Variants in CAPN13 observed in about 807,000 individuals in gnomAD.
CAPN13 encodes the protein calpain-13.
In CAPN13, 90 loss-of-function variants were observed where a neutral mutation model predicts 98.4. The ratio of observed to expected loss-of-function variants is 0.92; its 90% CI spans 0.77 to 1.09. CAPN13 has a LOEUF of 1.09. CAPN13 is among the 50% of genes least tolerant of loss of function. The probability of loss-of-function intolerance (pLI) is 0.00; values close to 1 mark genes in which losing one functional copy is unlikely to be tolerated. For missense variants in CAPN13, 887 were observed against 841.3 expected (o/e 1.05, Z -0.67); for synonymous variants, 330 against 305.5 (o/e 1.08, Z -0.84).
intron 17 of CAPN13, chr2:30,737,996 CA>C (rs1671460516): frequency 1.2e-5 from 7 of 560,998 alleles, no homozygotes; most frequent in East Asian, 3.2e-5. Flanking sequence ...CACACACACA[CA>C]CACACACACC....
chr2:30,757,969 C>T, intron 8 of CAPN13, 77 bp downstream of exon 8: 2 of 1,100,122 alleles, frequency 1.8e-6, no homozygotes, highest in Non-Finnish European at 2.6e-6. Context: ...CTAGATAGCC[C>T]CTGCTCTCAT....
At chr2:30,766,342 G>A (rs910056595) in intron 5 of CAPN13, among the ~76,000 whole-genome samples, 1 of 152,130 alleles carries the variant, frequency 6.6e-6, no homozygotes, top group Non-Finnish European at 1.5e-5. Context: ...ACAACCAAAG[G>A]CACTCCCTGC....
chr2:30,758,372 G>C (rs1037745803), intron 7 of CAPN13, among the ~76,000 whole-genome samples: 19 of 152,212 alleles, frequency 1.2e-4, no homozygotes, highest in African/African-American at 3.9e-4. Flanking sequence ...CCCTTGCAAG[G>C]GCAGATGCAA....
At chr2:30,794,891 G>A (rs1313472924) in intron 1 of CAPN13, among the ~76,000 whole-genome samples, 1 of 151,810 alleles carries the variant, frequency 6.6e-6, no homozygotes, top group African/African-American at 2.4e-5. Context: ...GTGGAGGGAG[G>A]AATGGGTTTT....
chr2:30,753,024 G>A, intron 10 of CAPN13, 29 bp downstream of exon 10: 1 of 1,612,200 alleles, frequency 6.2e-7, no homozygotes, highest in Non-Finnish European at 8.5e-7. Context: ...CTTCCAGTTG[G>A]GCAGTGTGAC....
chr2:30,737,889 T>C (rs2147958798), intron 17 of CAPN13: 1 of 316,628 alleles, frequency 3.2e-6, no homozygotes, highest in Non-Finnish European at 6.1e-6. Flanking sequence ...ACTTAACCTC[T>C]CTGAACTCCT....
At chr2:30,766,009 T>G (rs1644643516) in intron 5 of CAPN13, among the ~76,000 whole-genome samples, 1 of 152,224 alleles carries the variant, frequency 6.6e-6, no homozygotes, top group Non-Finnish European at 1.5e-5. Context: ...GGCTGAGCTC[T>G]GGACTCCCTT....
At position 30,758,900 on chromosome 2, in the gene CAPN13, C is replaced by T. The variant is rs527661720; in HGVS notation, c.775-763G>A. 3.4e-5 allele frequency among the ~76,000 whole-genome samples: 5 copies of T among 145,670 alleles called. No homozygotes were observed. The South Asian group carries it at 1.1e-3, about 33-fold the overall frequency. ...TTCCTACCCTCCTTTCCCTTACTCC[C>T]TCTCGTCTTCCCTTCTTTCTTTCCT... On this transcript the variant is annotated intron_variant, in intron 7 of 22. Coordinates refer to ENST00000295055, the MANE Select transcript of CAPN13 (RefSeq NM_144575.3).
At chr2:30,794,205 A>G (rs1412973630) in intron 1 of CAPN13, among the ~76,000 whole-genome samples, 1 of 151,802 alleles carries the variant, frequency 6.6e-6, no homozygotes, top group Non-Finnish European at 1.5e-5. Context: ...ACAAATCAAT[A>G]ATCAGAAAAA....
chr2:30,743,491 G>C lies in CAPN13; in HGVS notation c.1337C>G (p.Thr446Ser). The stretch of plus-strand genomic sequence containing the variant: ...CCCAGGGCTCAGATGGTAAGTCATG[G>C]TGAAGTTGCGGCGGAATTTATTATT... Reference protein sequence around the residue: ...SSNNKFRRNFTMTYHLSPGNY... With the variant: ...SSNNKFRRNFSMTYHLSPGNY... Residue 446 changes from threonine (T) to serine (S), a missense_variant, in exon 13 of 23, where the codon ACC (threonine) becomes AGC (serine). Transcript: ENST00000295055. The C allele has an allele frequency of 1.2e-6, 2 of 1,613,994 alleles. No individual in the cohort carries two copies. The highest frequency in any genetic ancestry group is 2.2e-5 in the South Asian group (2 of 91,086).
intron 5 of CAPN13, among the ~76,000 whole-genome samples, chr2:30,768,320 C>G (rs768429386): frequency 1.3e-5 from 2 of 152,236 alleles, no homozygotes; most frequent in Non-Finnish European, 2.9e-5. Context: ...GACAGAGGCA[C>G]AAGGCCAGTT....
rs371046550 is a variant in CAPN13 at position 30,741,916 on chromosome 2, C to T, written c.1528G>A (p.Ala510Thr). Residue 510 changes from alanine to threonine, a missense_variant, in exon 15 of 23, where the codon GCT becomes ACT. Transcript: ENST00000295055. ...GSQQSIFNRY[A>T]QQRLDIDATQ... Reference sequence around the variant, plus strand: ...GGTGCTAGGTACCATACCTGCTGAGCATATCTGTTGAAAATGCTTTGTTGG... The same window carrying T: ...GGTGCTAGGTACCATACCTGCTGAGTATATCTGTTGAAAATGCTTTGTTGG... 85 of 1,613,956 alleles carry T rather than the reference C, an allele frequency of 5.3e-5. No individual in the cohort carries two copies. The highest frequency in any genetic ancestry group is 7.1e-5 in the Non-Finnish European group (84 of 1,179,874).
intron 22 of CAPN13, among the ~76,000 whole-genome samples, chr2:30,729,119 G>A (rs192852394): frequency 2.0e-5 from 3 of 152,270 alleles, no homozygotes; most frequent in South Asian, 2.1e-4. Flanking sequence ...AGGAAGAAGT[G>A]GGGAGATAGT....
chr2:30,742,406 CA>C (rs1671709309), intron 13 of CAPN13, 47 bp from the exon 14 acceptor site: 1 of 1,583,508 alleles, frequency 6.3e-7, no homozygotes, highest in South Asian at 1.2e-5. Flanking sequence ...GCTCACCACT[CA>C]AAGGGGGCCT....
chr2:30,786,668 TA>T (rs1469153518), intron 2 of CAPN13, among the ~76,000 whole-genome samples: 2 of 152,178 alleles, frequency 1.3e-5, no homozygotes, highest in African/African-American at 4.8e-5. Context: ...GGTGATTATT[TA>T]AATTCATCCT....
chr2:30,730,515 C>G (rs1211048581), intron 22 of CAPN13, among the ~76,000 whole-genome samples: 2 of 152,150 alleles, frequency 1.3e-5, no homozygotes, highest in African/African-American at 4.8e-5. Flanking sequence ...CATGCCTTTC[C>G]ATAAAGGTCC....
At chr2:30,741,511 T>C (rs560760238) in intron 15 of CAPN13, 1 of 1,053,104 alleles carries the variant, frequency 9.5e-7, no homozygotes, top group East Asian at 8.2e-5. Flanking sequence ...AAGGATGCTG[T>C]ATGTGCTTTC....
In CAPN13 at chr2:30,763,080, A is replaced by T; in HGVS notation, c.774+2T>A. On this transcript the variant is annotated splice_donor_variant, in intron 7 of 22. Coordinates refer to ENST00000295055, the MANE Select transcript of CAPN13 (RefSeq NM_144575.3). LOFTEE classifies it high-confidence loss of function. ...GCTGGACAGGCCAGCAGCCAGCCTT[A>T]CCTGCTCAGCCCCAGTCACAGTGTA... 6.2e-7 allele frequency: 1 copy of T among 1,606,450 alleles called. No homozygotes were observed. Among genetic ancestry groups the T allele is most frequent in the African/African-American group, 1.3e-5 (1 of 74,914 alleles).
At position 30,738,186 on chromosome 2, in the gene CAPN13, C is replaced by A. The variant is rs893046483; in HGVS notation, c.1653+49G>T. 3 of 1,606,422 alleles carry A rather than the reference C, an allele frequency of 1.9e-6. No homozygotes were observed. The East Asian group carries it at 6.7e-5, about 36-fold the overall frequency. On this transcript the variant is annotated intron_variant, in intron 17 of 22. Coordinates refer to ENST00000295055, the MANE Select transcript of CAPN13 (RefSeq NM_144575.3). ...CTAATTAGGTCTCTGGGGAAGCCCA[C>A]AGAGCTGAGGGGTGCTCAGAGCATG...
Sources: allele counts gnomAD v4.1 joint callset (sites outside exome capture counted in the v4.1 genomes callset), GRCh38; gene constraint gnomAD v4.1.1; transcripts MANE v1.5; gene names NCBI Gene and HGNC (gene_info 2026-07-23, HGNC 2026-07-21).